CSMD2: variants seen among roughly 807,000 people sequenced by gnomAD.
CSMD2 encodes the protein CUB and sushi domain-containing protein 2.
CSMD2 carries 130 observed loss-of-function variants against 398.5 expected under a neutral mutation model. The observed-to-expected ratio is 0.33, with a 90% confidence interval of 0.28 to 0.38. The LOEUF (loss-of-function observed/expected upper bound fraction) is 0.38. Among genes scored for constraint, CSMD2 ranks in the 10% least tolerant of loss-of-function variants. The probability of loss-of-function intolerance (pLI) is 1.00; values close to 1 mark genes in which losing one functional copy is unlikely to be tolerated. For synonymous variants in CSMD2, 1,828 were observed against 1,908.5 expected (o/e 0.96, Z 1.10); for missense variants, 3,829 against 4,764.9 (o/e 0.80, Z 5.78).
chr1:34,121,022 CA>C (rs1662131314), intron 1 of CSMD2, among the ~76,000 whole-genome samples: 1 of 152,138 alleles, frequency 6.6e-6, no homozygotes, highest in Admixed American at 6.5e-5. Flanking sequence ...TTTGAATAAC[CA>C]GACATGCAGA....
At chr1:34,002,240 A>G (rs1028672835) in intron 3 of CSMD2, among the ~76,000 whole-genome samples, 1 of 152,252 alleles carries the variant, frequency 6.6e-6, no homozygotes, top group Non-Finnish European at 1.5e-5. Context: ...AATTGTGAGT[A>G]GTGATTATAA....
chr1:33,959,842 C>G (rs2125392678), intron 3 of CSMD2, among the ~76,000 whole-genome samples: 1 of 152,284 alleles, frequency 6.6e-6, no homozygotes, highest in African/African-American at 2.4e-5. Flanking sequence ...GCCATTTATC[C>G]CAATCTGAAA....
At chr1:33,572,813 A>G in intron 49 of CSMD2, 122 bp from the exon 50 acceptor site, 1 of 658,514 alleles carries the variant, frequency 1.5e-6, no homozygotes, top group East Asian at 3.1e-5. Flanking sequence ...AGGGTAAAGT[A>G]TCATAATAAA....
At chr1:34,098,148 T>C (rs1639912174) in intron 1 of CSMD2, among the ~76,000 whole-genome samples, 1 of 123,474 alleles carries the variant, frequency 8.1e-6, no homozygotes, top group South Asian at 3.0e-4. Context: ...TCATTCTCAG[T>C]AAACTATCAC....
chr1:33,525,668 A>G (rs1251963614), intron 65 of CSMD2, among the ~76,000 whole-genome samples: 1 of 152,192 alleles, frequency 6.6e-6, no homozygotes, highest in Non-Finnish European at 1.5e-5. Context: ...TGTATTGTAC[A>G]TTTCAAAATT....
intron 13 of CSMD2, among the ~76,000 whole-genome samples, chr1:33,762,497 C>A (rs557628877): frequency 6.6e-6 from 1 of 152,142 alleles, no homozygotes; most frequent in Non-Finnish European, 1.5e-5. Context: ...TCCTCTTCCA[C>A]GCAGGTAGCT....
intron 1 of CSMD2, among the ~76,000 whole-genome samples, chr1:34,136,867 C>G (rs1638802301): frequency 6.6e-6 from 1 of 152,156 alleles, no homozygotes; most frequent in Admixed American, 6.5e-5. Context: ...TTGTTTCATT[C>G]AGCCATCTCA....
rs1160217243 is a variant in CSMD2, at chr1:34,076,909, C to CAAAAAAAA, written c.404+12060_404+12067dup. On this transcript the variant is annotated intron_variant, in intron 2 of 70. Transcript: ENST00000373381. ...ACTGTATGGCTCTGTTACAGCAAAG[C>CAAAAAAAA]AAAAAAAAAAAAAAAAAAAATATAT... Among the ~76,000 whole-genome samples the CAAAAAAAA allele has an allele frequency of 2.5e-3, 25 of 10,204 alleles. 5 individuals are homozygous for CAAAAAAAA. Among genetic ancestry groups the CAAAAAAAA allele is most frequent in the African/African-American group, 7.1e-3 (19 of 2,658 alleles). 6.7% of individuals were successfully genotyped at this position (10,204 alleles called of 152,430 possible).
intron 3 of CSMD2, among the ~76,000 whole-genome samples, chr1:33,971,351 G>C (rs56810021): frequency 0.052 from 7,913 of 152,286 alleles, 314 homozygotes; most frequent in East Asian, 0.19. Flanking sequence ...GGAAATGCAT[G>C]CCCGCGACCA....
rs747703087 is a variant in CSMD2, at chr1:33,546,060, C to T, written c.9077G>A (p.Ser3026Asn). The change falls in exon 57 of 71, where the codon AGC (serine) becomes AAC (asparagine). Residue 3026 changes from serine (S) to asparagine (N), a missense_variant. By Grantham distance (46) the Ser-to-Asn change is conservative (BLOSUM62 1). Coordinates refer to ENST00000373381, the MANE Select transcript of CSMD2 (RefSeq NM_001281956.2). ...ACCTCCACACTCAGGCTGCGAGCCG[C>T]TCCACGAGCCATTGGCTTGACAGGT... The part of the protein sequence containing the change: ...ERTCQANGSW[S>N]GSQPECGVIS... 8.1e-6 allele frequency: 13 copies of T among 1,613,808 alleles called. No homozygotes were observed. The highest frequency in any genetic ancestry group is 1.7e-4 in the Middle Eastern group (1 of 6,026).
chr1:34,078,399 GT>G lies in CSMD2; in HGVS notation c.404+10577del, dbSNP rs368461130. Among the ~76,000 whole-genome samples the G allele has an allele frequency of 1.3e-3, 200 of 152,284 alleles. 4 individuals are homozygous for G. In the East Asian group the frequency reaches 0.027, roughly 21 times the overall value. ...ACACCTGAAATTCCCAGTCTAAAAT[GT>G]CTGATGAGTTGGCCACAGATGAAGT... On this transcript the variant is annotated intron_variant, in intron 2 of 70. Coordinates refer to ENST00000373381, the MANE Select transcript of CSMD2 (RefSeq NM_001281956.2).
chr1:33,636,577 C>A lies in CSMD2; in HGVS notation c.4775-23G>T. On this transcript the variant is annotated intron_variant, in intron 29 of 70. Transcript: ENST00000373381. The surrounding 1 kb of genome is among the most constrained non-coding windows in gnomAD (Gnocchi z 4.8). ...TTTCTGGGAAAAAGAAATACAAACA[C>A]GTGCACACACACAGAGGGCTCATGA... 6.2e-7 allele frequency: 1 copy of A among 1,606,326 alleles called. No individual in the cohort carries two copies. Among genetic ancestry groups the A allele is most frequent in the African/African-American group, 1.3e-5 (1 of 74,868 alleles).
At chr1:34,050,757 T>G (rs1289748725) in intron 2 of CSMD2, among the ~76,000 whole-genome samples, 1 of 152,256 alleles carries the variant, frequency 6.6e-6, no homozygotes, top group African/African-American at 2.4e-5. Context: ...GTTTCCTTCC[T>G]GTTCTATGAC....
At chr1:34,142,212 C>G (rs907682888) in intron 1 of CSMD2, among the ~76,000 whole-genome samples, 3 of 152,168 alleles carry the variant, frequency 2.0e-5, no homozygotes, top group African/African-American at 7.2e-5. Flanking sequence ...TCATCCTGTC[C>G]TGGCGGCCCC....
At chr1:33,679,221 G>A (rs1248713057) in intron 25 of CSMD2, among the ~76,000 whole-genome samples, 3 of 77,080 alleles carry the variant, frequency 3.9e-5, no homozygotes, top group Non-Finnish European at 7.7e-5. Context: ...TTTTTTTTTT[G>A]AGATAGAGTC....
chr1:33,881,681 G>A (rs886079977), intron 5 of CSMD2, among the ~76,000 whole-genome samples: 51 of 152,272 alleles, frequency 3.3e-4, no homozygotes, highest in African/African-American at 1.1e-3. Flanking sequence ...TCCTGTAGGT[G>A]GTGGGAGCTT....
At chr1:33,616,796 G>T in intron 39 of CSMD2, 110 bp downstream of exon 39, 1 of 799,014 alleles carries the variant, frequency 1.3e-6, no homozygotes, top group Non-Finnish European at 2.1e-6. Flanking sequence ...AACAAATCCA[G>T]AATATCAAAC....
At chr1:33,790,801 A>ATATCTATCTATC (rs3078814) in intron 11 of CSMD2, among the ~76,000 whole-genome samples, 4,352 of 148,540 alleles carry the variant, frequency 0.029, 76 homozygotes, top group East Asian at 0.049. Flanking sequence ...CATCTCTCTA[A>ATATCTATCTATC]TATCTATCTA....
chr1:33,673,169 A>G (rs759938062), intron 25 of CSMD2, among the ~76,000 whole-genome samples: 2 of 152,222 alleles, frequency 1.3e-5, no homozygotes, highest in Non-Finnish European at 2.9e-5. Context: ...ACTCCAAGCT[A>G]AAGGAGGAAG....
Sources: allele counts gnomAD v4.1 joint callset (sites outside exome capture counted in the v4.1 genomes callset), GRCh38; gene constraint gnomAD v4.1.1; non-coding constraint Gnocchi (gnomAD v3.1); transcripts MANE v1.5; gene names NCBI Gene and HGNC (gene_info 2026-07-23, HGNC 2026-07-21).